The following RBM5 variants were observed in gnomAD, a reference collection of about 807,000 sequenced individuals.
RBM5 encodes RNA binding motif protein 5, also known as RNA-binding protein 5.
In RBM5, 15 loss-of-function variants were observed where a neutral mutation model predicts 124.6. The ratio of observed to expected loss-of-function variants is 0.12; its 90% CI spans 0.08 to 0.19. The LOEUF is 0.19. Ranked by LOEUF, RBM5 falls within the 10% of genes least tolerant of loss-of-function variation. The pLI, the probability that RBM5 is intolerant of heterozygous loss-of-function variation, is 1.00. For missense variants in RBM5, 580 were observed against 1,026.5 expected (o/e 0.57, Z 5.94); for synonymous variants, 337 against 361.2 (o/e 0.93, Z 0.76).
intron 4 of RBM5, among the ~76,000 whole-genome samples, chr3:50,095,235 T>C (rs1197845380): frequency 6.6e-6 from 1 of 152,198 alleles, no homozygotes. Flanking sequence ...ATATTTAGGC[T>C]TTGAAGCTCA....
intron 7 of RBM5, among the ~76,000 whole-genome samples, chr3:50,103,674 T>G (rs572073536): frequency 1.3e-5 from 2 of 152,196 alleles, no homozygotes; most frequent in South Asian, 4.1e-4. Flanking sequence ...ACAAAAAGGA[T>G]GCAGGTTCTA....
chr3:50,101,270 A>G (rs781107438), intron 6 of RBM5: 6 of 152,164 alleles, frequency 3.9e-5, no homozygotes, highest in African/African-American at 9.7e-5. Flanking sequence ...TGTCAAGATA[A>G]TGTTCAGTGC....
chr3:50,103,230 GTTTA>G lies in RBM5; in HGVS notation c.567+68_567+71del, dbSNP rs1339696986. 5 of 1,310,550 alleles carry G rather than the reference GTTTA, an allele frequency of 3.8e-6. No homozygotes were observed. In the African/African-American group the frequency reaches 7.4e-5, roughly 19 times the overall value. The allele number at this position is 1,310,550 out of a possible 1,614,324, so 81.2% of individuals were successfully genotyped here. A position where few individuals can be genotyped will look rare whatever the true frequency, so the allele number is the denominator to read the frequency against. On this transcript the variant is annotated intron_variant, in intron 7 of 24. Transcript: ENST00000347869. ...AGGATATTGCTGTTTTTTTCTGTTT[GTTTA>G]TTTGACTGTCCAAACAAGGAAATTG...
rs1422545789 is a variant in RBM5 at position 50,116,956 on chromosome 3, TAAAA to T, written c.2095-114_2095-111del. On this transcript the variant is annotated intron_variant, in intron 22 of 24. Coordinates refer to ENST00000347869, the MANE Select transcript of RBM5 (RefSeq NM_005778.4). ...GGGAATTTGGTATTTCAGAGCAGTC[TAAAA>T]AAAGCATTCTTCAGATTTAAAAATA... 4.4e-6 allele frequency: 4 copies of T among 915,032 alleles called. 1 individual carries two copies. In the East Asian group the frequency reaches 1.1e-4, roughly 24 times the overall value. 56.7% of individuals were successfully genotyped at this position (915,032 alleles called of 1,614,324 possible). A position where few individuals can be genotyped will look rare whatever the true frequency, so the allele number is the denominator to read the frequency against.
At chr3:50,110,582 A>G in intron 16 of RBM5, 97 bp from the exon 17 acceptor site, 1 of 1,435,670 alleles carries the variant, frequency 7.0e-7, no homozygotes, top group Non-Finnish European at 9.7e-7. Flanking sequence ...TGAGACAGAG[A>G]AGAAACATTA....
chr3:50,117,616 A>G lies in RBM5; in HGVS notation c.2322+237A>G. ...GGCAACACGGTGAAACCCCGTCTCT[A>G]CTAAAATACAAAATATTAACTGGAC... On this transcript the variant is annotated intron_variant, in intron 24 of 24. Transcript: ENST00000347869. The surrounding 1 kb of genome is among the most constrained non-coding windows in gnomAD (Gnocchi z 4.2). The G allele has an allele frequency of 2.3e-6, 1 of 430,154 alleles. No individual in the cohort carries two copies. Among genetic ancestry groups the G allele is most frequent in the Non-Finnish European group, 4.2e-6 (1 of 238,698 alleles). The allele number at this position is 430,154 out of a possible 1,614,324, so 26.6% of individuals were successfully genotyped here.
intron 20 of RBM5, 43 bp downstream of exon 20, chr3:50,114,294 T>G: frequency 6.4e-7 from 1 of 1,560,930 alleles, no homozygotes; most frequent in South Asian, 1.2e-5. Flanking sequence ...TATCTGTGGT[T>G]TGTGTCTCAC....
At position 50,110,862 on chromosome 3, in the gene RBM5, A is replaced by G. The variant is rs2091130842; in HGVS notation, c.1455+92A>G. 4.8e-6 allele frequency: 5 copies of G among 1,042,536 alleles called. No homozygotes were observed. In the Admixed American group the frequency reaches 1.1e-4, roughly 23 times the overall value. 64.6% of individuals were successfully genotyped at this position (1,042,536 alleles called of 1,614,324 possible). A position where few individuals can be genotyped will look rare whatever the true frequency, so the allele number is the denominator to read the frequency against. On this transcript the variant is annotated intron_variant, in intron 17 of 24. Coordinates refer to ENST00000347869, the MANE Select transcript of RBM5 (RefSeq NM_005778.4). ...AAAATGAAATATTTCCTGCAAAAGAATATATGACTCAGATTAGTTTTAACT... is the reference window on the plus strand; with the variant it reads ...AAAATGAAATATTTCCTGCAAAAGAGTATATGACTCAGATTAGTTTTAACT...
chr3:50,113,934 T>C lies in RBM5; in HGVS notation c.1618-16T>C. 1.2e-6 allele frequency: 2 copies of C among 1,607,684 alleles called. No individual in the cohort carries two copies. On this transcript the variant is annotated splice_polypyrimidine_tract_variant and intron_variant, in intron 18 of 24. Transcript: ENST00000347869. ...GATTAAATATTTTTTTGTTGGTGTT[T>C]GTTGTTTGACATTAGATTGCCAAAG...
intron 8 of RBM5, 192 bp from the exon 9 acceptor site, chr3:50,104,885 T>A: frequency 1.9e-6 from 1 of 521,426 alleles, no homozygotes. Flanking sequence ...TCAGTCCCAC[T>A]GTGGCCCAAA....
chr3:50,091,463 AG>A (rs2090700294), intron 2 of RBM5, among the ~76,000 whole-genome samples: 1 of 152,168 alleles, frequency 6.6e-6, no homozygotes, highest in South Asian at 2.1e-4. Context: ...AAAATAAACC[AG>A]ATGTTATAAG....
intron 14 of RBM5, 84 bp from the exon 15 acceptor site, chr3:50,109,519 A>C (rs1054296507): frequency 1.3e-5 from 14 of 1,059,030 alleles, no homozygotes; most frequent in South Asian, 1.0e-4. Context: ...TGACAGAAGA[A>C]GGCTAGATTG....
intron 6 of RBM5, chr3:50,101,368 C>G (rs1258420331): frequency 2.6e-5 from 4 of 152,190 alleles, no homozygotes; most frequent in African/African-American, 9.7e-5. Flanking sequence ...GTTTGCTTGA[C>G]TCATTATCTT....
At chr3:50,097,972 C>T (rs961411516) in intron 4 of RBM5, among the ~76,000 whole-genome samples, 5 of 151,972 alleles carry the variant, frequency 3.3e-5, no homozygotes, top group Non-Finnish European at 4.4e-5. Flanking sequence ...TGGCGACATG[C>T]GCCTGTAGTC....
chr3:50,108,168 T>C (rs747212603), intron 13 of RBM5, 21 bp downstream of exon 13: 1 of 1,604,264 alleles, frequency 6.2e-7, no homozygotes, highest in South Asian at 1.1e-5. Flanking sequence ...TTTAGCAGCA[T>C]CCACCTTATA....
chr3:50,094,937 C>A (rs944580690), intron 4 of RBM5, among the ~76,000 whole-genome samples: 3 of 152,174 alleles, frequency 2.0e-5, no homozygotes, highest in Non-Finnish European at 4.4e-5. Context: ...TGGCTCATGC[C>A]TGTAATCCCA....
intron 4 of RBM5, chr3:50,099,711 A>C: frequency 4.8e-6 from 1 of 207,698 alleles, no homozygotes; most frequent in Non-Finnish European, 9.6e-6. Context: ...AAAAAAAAAA[A>C]ATCAGTCACG....
intron 14 of RBM5, 58 bp downstream of exon 14, chr3:50,108,362 T>C: frequency 6.9e-7 from 1 of 1,442,320 alleles, no homozygotes. Context: ...TGAAGAAATA[T>C]GATTAAATGT....
chr3:50,093,272 T>C (rs1422195826), intron 3 of RBM5, among the ~76,000 whole-genome samples: 2 of 151,228 alleles, frequency 1.3e-5, no homozygotes, highest in Non-Finnish European at 2.9e-5. Flanking sequence ...ACCCTGTCTC[T>C]ACTAAAAATA....
Sources: allele counts gnomAD v4.1 joint callset (sites outside exome capture counted in the v4.1 genomes callset), GRCh38; gene constraint gnomAD v4.1.1; non-coding constraint Gnocchi (gnomAD v3.1); transcripts MANE v1.5; gene names NCBI Gene and HGNC (gene_info 2026-07-23, HGNC 2026-07-21).